The following AJAP1 variants were observed in gnomAD, a reference collection of about 807,000 sequenced individuals.
AJAP1 encodes adherens junction-associated protein 1.
AJAP1 carries 5 observed loss-of-function variants against 35.0 expected under a neutral mutation model. The ratio of observed to expected loss-of-function variants is 0.14; its 90% CI spans 0.07 to 0.30. AJAP1 has a LOEUF of 0.30. Among genes scored for constraint, AJAP1 ranks in the 10% least tolerant of loss-of-function variants. The probability of loss-of-function intolerance (pLI) is 1.00; values close to 1 mark genes in which losing one functional copy is unlikely to be tolerated. For synonymous variants in AJAP1, 284 were observed against 249.3 expected, an observed-to-expected ratio of 1.14 and a Z score of -1.31; for missense variants, 586 against 571.0, an observed-to-expected ratio of 1.03 and a Z score of -0.27.
At chr1:4,731,586 A>C (rs946942904) in intron 2 of AJAP1, among the ~76,000 whole-genome samples, 1 of 152,174 alleles carries the variant, frequency 6.6e-6, no homozygotes, top group Non-Finnish European at 1.5e-5. Context: ...AGTTAAGGGA[A>C]CAGCTTGAGA....
intron 5 of AJAP1, among the ~76,000 whole-genome samples, chr1:4,781,021 G>C (rs1457499815): frequency 6.6e-6 from 1 of 152,140 alleles, no homozygotes; most frequent in Non-Finnish European, 1.5e-5. Context: ...GGGGTCCAGG[G>C]AAAGATCCAG....
chr1:4,688,909 G>A (rs930281217), intron 1 of AJAP1, among the ~76,000 whole-genome samples: 1 of 152,110 alleles, frequency 6.6e-6, no homozygotes, highest in Non-Finnish European at 1.5e-5. Context: ...CCCTTCTACA[G>A]GTGGAGAAAC....
At chr1:4,672,464 C>G (rs1026887503) in intron 1 of AJAP1, among the ~76,000 whole-genome samples, 1 of 152,174 alleles carries the variant, frequency 6.6e-6, no homozygotes, top group Non-Finnish European at 1.5e-5. Flanking sequence ...TGTTTTGCTT[C>G]TATATAGATG....
intron 1 of AJAP1, among the ~76,000 whole-genome samples, chr1:4,702,412 C>T (rs1640008529): frequency 6.6e-6 from 1 of 152,244 alleles, no homozygotes; most frequent in Admixed American, 6.5e-5. Context: ...AGTACCGATC[C>T]ACCGGTTCCC....
At position 4,720,714 on chromosome 1, in the gene AJAP1, C is replaced by G. The variant is rs1335466584; in HGVS notation, c.829+8015C>G. Among the ~76,000 whole-genome samples, 1 of 152,234 alleles carries G rather than the reference C, an allele frequency of 6.6e-6. No individual in the cohort carries two copies. The highest frequency in any genetic ancestry group is 1.5e-5 in the Non-Finnish European group (1 of 68,040). On this transcript the variant is annotated intron_variant, in intron 2 of 5. Coordinates refer to ENST00000378191, the MANE Select transcript of AJAP1 (RefSeq NM_018836.4). This position sits in a 1 kb window ranked among gnomAD's most constrained non-coding sequence, Gnocchi z 4.4. ...TGCACGAAGCCCACCTCACCGGTGG[C>G]TCTGCCAGGGTAATCGAATGGTGTT...
chr1:4,760,189 G>A (rs1435562227), intron 2 of AJAP1, among the ~76,000 whole-genome samples: 2 of 152,088 alleles, frequency 1.3e-5, no homozygotes, highest in African/African-American at 4.8e-5. Context: ...CTGTGAGTGA[G>A]CCTGTGTGTG....
At chr1:4,776,542 T>C in intron 5 of AJAP1, among the ~76,000 whole-genome samples, 1 of 152,158 alleles carries the variant, frequency 6.6e-6, no homozygotes, top group East Asian at 1.9e-4. Context: ...CAGCACTGAC[T>C]TTAAAAAAAA....
intron 1 of AJAP1, among the ~76,000 whole-genome samples, chr1:4,706,918 C>A (rs769768818): frequency 3.9e-4 from 60 of 152,106 alleles, no homozygotes; most frequent in Non-Finnish European, 6.9e-4. Flanking sequence ...GCAGTTGTTC[C>A]CCATTTGGAA....
Position 4,712,522 on chromosome 1 carries a change from G to GCCACCA in AJAP1, c.669_674dup (p.Thr224_Thr225dup), listed in dbSNP as rs529940202. The GCCACCA allele has an allele frequency of 3.9e-5, 63 of 1,609,968 alleles. No individual in the cohort carries two copies. The highest frequency in any genetic ancestry group is 2.8e-4 in the South Asian group (25 of 90,488). On this transcript the variant is annotated inframe_insertion, in exon 2 of 6. Transcript: ENST00000378191. ...ACAAACACGGAAGACAACTGTGGCCGCCACCACCACCACCACCACCACGGC... is the reference window on the plus strand; with the variant it reads ...ACAAACACGGAAGACAACTGTGGCCGCCACCACCACCACCACCACCACCACCACGGC...
intron 2 of AJAP1, among the ~76,000 whole-genome samples, chr1:4,730,136 G>A (rs1557629739): frequency 6.6e-6 from 1 of 152,188 alleles, no homozygotes; most frequent in African/African-American, 2.4e-5. Flanking sequence ...TATTGCCTGT[G>A]CACCTCGCAG....
chr1:4,664,184 G>A (rs1639065142), intron 1 of AJAP1, among the ~76,000 whole-genome samples: 1 of 152,140 alleles, frequency 6.6e-6, no homozygotes, highest in African/African-American at 2.4e-5. Context: ...CTCAAACCCA[G>A]GCACTCAGCT....
chr1:4,777,448 A>G (rs1035508457), intron 5 of AJAP1: 1 of 152,204 alleles, frequency 6.6e-6, no homozygotes, highest in African/African-American at 2.4e-5. Context: ...TGCACCCCAG[A>G]TTCAGCCTTT....
Position 4,781,460 on chromosome 1 carries a change from G to A in AJAP1, c.*60-1085G>A, listed in dbSNP as rs1287690694. ...AAGCTCCAACGATGACGATGACGGA[G>A]CCGGTCTGGCCGCATGCTATGCATG... On this transcript the variant is annotated intron_variant, in intron 5 of 5. Coordinates refer to ENST00000378191, the MANE Select transcript of AJAP1 (RefSeq NM_018836.4). 1.4e-4 allele frequency among the ~76,000 whole-genome samples: 22 copies of A among 152,334 alleles called. No homozygotes were observed. The East Asian group carries it at 4.1e-3, about 28-fold the overall frequency.
chr1:4,769,138 G>T (rs993986539), intron 2 of AJAP1, among the ~76,000 whole-genome samples: 1 of 152,166 alleles, frequency 6.6e-6, no homozygotes, highest in African/African-American at 2.4e-5. Context: ...TCCCCATTCA[G>T]GTATTGGGGC....
At chr1:4,774,022 G>A (rs755641655) in intron 4 of AJAP1, among the ~76,000 whole-genome samples, 1 of 152,334 alleles carries the variant, frequency 6.6e-6, no homozygotes, top group Non-Finnish European at 1.5e-5. Context: ...AAATATGGGC[G>A]AGACATTTTG....
chr1:4,767,627 C>T (rs1641715411), intron 2 of AJAP1, among the ~76,000 whole-genome samples: 1 of 146,494 alleles, frequency 6.8e-6, no homozygotes, highest in Non-Finnish European at 1.5e-5. Flanking sequence ...TTATCATTAC[C>T]ATCATCACCA....
intron 2 of AJAP1, among the ~76,000 whole-genome samples, chr1:4,741,602 C>T (rs959147601): frequency 3.9e-5 from 6 of 152,226 alleles, no homozygotes; most frequent in African/African-American, 1.4e-4. Context: ...CATTTCAACA[C>T]AGAGGTGTCA....
intron 1 of AJAP1, among the ~76,000 whole-genome samples, chr1:4,663,954 C>T (rs1416313925): frequency 6.6e-6 from 1 of 152,124 alleles, no homozygotes; most frequent in African/African-American, 2.4e-5. Context: ...GGTTCTTTCT[C>T]ATAAACACCC....
At chr1:4,722,731 A>G (rs1311675456) in intron 2 of AJAP1, among the ~76,000 whole-genome samples, 1 of 152,152 alleles carries the variant, frequency 6.6e-6, no homozygotes, top group African/African-American at 2.4e-5. Flanking sequence ...CTCTGGCTGC[A>G]TCTCCACATG....
Sources: gnomAD v4.1 joint callset for allele counts (sites outside exome capture counted in the v4.1 genomes callset) on GRCh38, gnomAD v4.1.1 for gene constraint, Gnocchi (gnomAD v3.1) non-coding constraint, MANE v1.5 for transcripts, NCBI Gene and HGNC (gene_info 2026-07-23, HGNC 2026-07-21) for gene names.